Variants in LRR1 observed in about 807,000 individuals in gnomAD.
The protein encoded by LRR1 is leucine-rich repeat protein 1.
A neutral mutation model predicts 31.6 loss-of-function variants in LRR1; 29 were observed. That is an observed-to-expected ratio of 0.92 (90% CI 0.68 to 1.25). The LOEUF (loss-of-function observed/expected upper bound fraction) is 1.25. LRR1 is among the 50% of genes most tolerant of loss of function. LRR1 has a pLI of 0.00. For synonymous variants in LRR1, 179 were observed against 181.4 expected (o/e 0.99, Z 0.10); for missense variants, 485 against 487.2 (o/e 1.00, Z 0.04).
chr14:49,610,866 C>G (rs978496844), intron 3 of LRR1, among the ~76,000 whole-genome samples: 24 of 152,280 alleles, frequency 1.6e-4, no homozygotes, highest in Admixed American at 9.2e-4. Flanking sequence ...CCAGCCTGTT[C>G]AGGCTTCTTG....
At chr14:49,600,757 T>C (rs1180052655) in intron 1 of LRR1, 1 of 903,754 alleles carries the variant, frequency 1.1e-6, no homozygotes, top group Non-Finnish European at 1.6e-6. Context: ...TTCTGTAAAG[T>C]TTATTAAGAA....
intron 3 of LRR1, among the ~76,000 whole-genome samples, chr14:49,609,514 C>T (rs897565458): frequency 1.3e-5 from 2 of 151,418 alleles, no homozygotes; most frequent in Admixed American, 1.3e-4. Flanking sequence ...GAGCGATTCT[C>T]CTGCTTCAGC....
chr14:49,607,685 A>T lies in LRR1; in HGVS notation c.568A>T (p.Lys190Ter). The T allele has an allele frequency of 6.2e-7, 1 of 1,610,672 alleles. No homozygotes were observed. The highest frequency in any genetic ancestry group is 2.2e-5 in the East Asian group (1 of 44,862). The change falls in exon 3 of 4, where the codon AAA becomes TAA. Residue 190 changes from lysine (K) to a stop codon, truncating the protein, a stop_gained. Transcript: ENST00000298288. LOFTEE classifies it high-confidence loss of function. ...ATTAGACTTGAGTCACAACCATATAAAAAAGCTTCCAGCTACAATTGGAGA... is the reference window on the plus strand; with the variant it reads ...ATTAGACTTGAGTCACAACCATATATAAAAGCTTCCAGCTACAATTGGAGA... Reference protein sequence around the residue: ...RKLDLSHNHIKKLPATIGDLI... With the variant: ...RKLDLSHNHI
chr14:49,600,190 G>A (rs1292696232), intron 1 of LRR1: 2 of 1,474,976 alleles, frequency 1.4e-6, no homozygotes, highest in Non-Finnish European at 1.9e-6. Context: ...AACACCGCCG[G>A]ACAGGAAGAC....
At chr14:49,599,673 C>T (rs1881961705) in intron 1 of LRR1, among the ~76,000 whole-genome samples, 2 of 151,564 alleles carry the variant, frequency 1.3e-5, no homozygotes, top group South Asian at 2.1e-4. Context: ...CGGGGCCGGC[C>T]GGTCTTATGA....
At chr14:49,603,533 T>C (rs1303548533) in intron 2 of LRR1, 216 of 251,822 alleles carry the variant, frequency 8.6e-4, no homozygotes, top group South Asian at 1.9e-3. Flanking sequence ...CTTTTTTTTT[T>C]TTTTTTTTTT....
rs1349570771 is a variant in LRR1, at chr14:49,614,323, G to A, written c.1072G>A (p.Val358Ile). ...CQDLDTAKIC[V>I]CGRFCLNSFI... ...AGATTTGGATACCGCAAAAATTTGTGTTTGTGGAAGATTCTGTCTGAACTC... is the reference window on the plus strand; with the variant it reads ...AGATTTGGATACCGCAAAAATTTGTATTTGTGGAAGATTCTGTCTGAACTC... Residue 358 changes from valine (V) to isoleucine (I), a missense_variant, in exon 4 of 4, where the codon GTT becomes ATT. Physicochemically the swap from Val to Ile is conservative, Grantham distance 29 (BLOSUM62 3). Around this residue, in one of 3 missense-constraint regions of LRR1, gnomAD observed 210 missense variants for 200.4 expected, o/e 1.05. Transcript: ENST00000298288. 1 of 1,613,678 alleles carries A rather than the reference G, an allele frequency of 6.2e-7. No homozygotes were observed. Among genetic ancestry groups the A allele is most frequent in the Non-Finnish European group, 8.5e-7 (1 of 1,179,952 alleles).
intron 3 of LRR1, among the ~76,000 whole-genome samples, chr14:49,613,534 C>T (rs900587649): frequency 6.6e-6 from 1 of 150,420 alleles, no homozygotes; most frequent in Admixed American, 6.6e-5. Flanking sequence ...AGGCCAGGTG[C>T]GGTGGCTCAC....
intron 3 of LRR1, among the ~76,000 whole-genome samples, chr14:49,609,626 C>G (rs2139549531): frequency 6.6e-6 from 1 of 152,050 alleles, no homozygotes. Flanking sequence ...CCAGGCTGGT[C>G]TTGAACTCCT....
Position 49,599,112 on chromosome 14 carries a change from G to C in LRR1, c.92G>C (p.Ser31Thr). 6.2e-7 allele frequency: 1 copy of C among 1,608,644 alleles called. No homozygotes were observed. ...GGCAAGGGCGTCCGAGCCGTGTTGAGCCTCTGTCAGCAGACTTCCAGGAGT... is the reference window on the plus strand; with the variant it reads ...GGCAAGGGCGTCCGAGCCGTGTTGACCCTCTGTCAGCAGACTTCCAGGAGT... ...NRGKGVRAVL[S>T]LCQQTSRSQP... Residue 31 changes from serine (S) to threonine (T), a missense_variant, in exon 1 of 4, where the codon AGC becomes ACC. Physicochemically the swap from Ser to Thr is moderately conservative, Grantham distance 58 (BLOSUM62 1). This residue lies in a region of LRR1 where 260 missense variants were observed against 249.6 expected (regional missense o/e 1.04). Coordinates refer to ENST00000298288, the MANE Select transcript of LRR1 (RefSeq NM_152329.4).
intron 3 of LRR1, chr14:49,612,571 T>A: frequency 8.4e-7 from 1 of 1,184,678 alleles, no homozygotes; most frequent in Non-Finnish European, 1.1e-6. Context: ...AATAAGTCTT[T>A]TTATGAAAAA....
At chr14:49,602,807 A>ATTTG (rs1882114670) in intron 2 of LRR1, among the ~76,000 whole-genome samples, 1 of 151,718 alleles carries the variant, frequency 6.6e-6, no homozygotes, top group Non-Finnish European at 1.5e-5. Context: ...CCTGGCGTGT[A>ATTTG]TTTGCTTGCT....
intron 3 of LRR1, among the ~76,000 whole-genome samples, chr14:49,611,740 T>C (rs1399928805): frequency 1.3e-5 from 2 of 152,094 alleles, no homozygotes; most frequent in Admixed American, 1.3e-4. Context: ...AGGGCTAATA[T>C]GGTGAAACCC....
At chr14:49,605,478 A>C (rs1882244792) in intron 2 of LRR1, among the ~76,000 whole-genome samples, 2 of 152,180 alleles carry the variant, frequency 1.3e-5, no homozygotes, top group African/African-American at 4.8e-5. Context: ...TTTACTGAAA[A>C]CACTGTCTCA....
intron 3 of LRR1, among the ~76,000 whole-genome samples, chr14:49,611,134 A>G (rs978361206): frequency 6.6e-6 from 1 of 152,100 alleles, no homozygotes; most frequent in African/African-American, 2.4e-5. Context: ...ACTCTAAACC[A>G]ATGGTTCTCA....
intron 1 of LRR1, chr14:49,601,747 A>G: frequency 8.3e-7 from 1 of 1,207,092 alleles, no homozygotes; most frequent in South Asian, 1.3e-5. Context: ...TTCTCAAAGG[A>G]GAGTTACTGG....
intron 3 of LRR1, among the ~76,000 whole-genome samples, chr14:49,613,887 AG>A (rs1882605566): frequency 6.6e-6 from 1 of 152,226 alleles, no homozygotes; most frequent in South Asian, 2.1e-4. Context: ...GCCTTAAGCA[AG>A]GTAAGGTTAG....
At chr14:49,609,217 C>CTTTTTT (rs746422046) in intron 3 of LRR1, among the ~76,000 whole-genome samples, 3 of 76,906 alleles carry the variant, frequency 3.9e-5, no homozygotes, top group African/African-American at 1.1e-4. Context: ...ACACCTGGCC[C>CTTTTTT]TTTTTTTTTT....
chr14:49,612,533 T>A (rs10150146), intron 3 of LRR1: 15 of 1,230,134 alleles, frequency 1.2e-5, no homozygotes, highest in Middle Eastern at 2.3e-4. Flanking sequence ...CAGAGTTTTT[T>A]AAAAAATGGT....
Sources: allele counts gnomAD v4.1 joint callset (sites outside exome capture counted in the v4.1 genomes callset), GRCh38; gene constraint gnomAD v4.1.1; regional missense constraint gnomAD v4.1.1; transcripts MANE v1.5; gene names NCBI Gene and HGNC (gene_info 2026-07-23, HGNC 2026-07-21).